DAB1: variants seen among roughly 807,000 people sequenced by gnomAD.
The protein encoded by DAB1 is disabled homolog 1.
DAB1 carries 15 observed loss-of-function variants against 64.6 expected under a neutral mutation model. The observed-to-expected ratio is 0.23, with a 90% CI of 0.16 to 0.36. The LOEUF (loss-of-function observed/expected upper bound fraction) is 0.36. Ranked by LOEUF, DAB1 falls within the 10% of genes least tolerant of loss-of-function variation. The pLI is 1.00. For synonymous variants in DAB1, 235 were observed against 251.9 expected, an observed-to-expected ratio of 0.93 and a Z score of 0.64; for missense variants, 596 against 706.7, an observed-to-expected ratio of 0.84 and a Z score of 1.78.
chr1:57,948,322 G>C (rs1180423823), intron 5 of DAB1, among the ~76,000 whole-genome samples: 1 of 152,194 alleles, frequency 6.6e-6, no homozygotes, highest in Non-Finnish European at 1.5e-5. Flanking sequence ...TCTCAGCTTA[G>C]CAAGGTTGCT....
intron 7 of DAB1, among the ~76,000 whole-genome samples, chr1:57,620,807 A>AG (rs1400951172): frequency 2.0e-5 from 3 of 152,274 alleles, no homozygotes; most frequent in African/African-American, 7.2e-5. Context: ...GTCTGGAAGC[A>AG]GGGGGGCAGC....
chr1:57,462,213 T>A (rs895405954), intron 7 of DAB1, among the ~76,000 whole-genome samples: 1 of 152,056 alleles, frequency 6.6e-6, no homozygotes, highest in Non-Finnish European at 1.5e-5. Context: ...CCTCCCAAAG[T>A]GCTGGGATTA....
chr1:57,405,590 G>A (rs899891451), intron 1 of DAB1, among the ~76,000 whole-genome samples: 3 of 152,134 alleles, frequency 2.0e-5, no homozygotes, highest in African/African-American at 7.2e-5. Context: ...GATTTCACAC[G>A]AAAACAAGAT....
At chr1:57,047,681 G>T (rs753740912) in intron 9 of DAB1, among the ~76,000 whole-genome samples, 2 of 152,150 alleles carry the variant, frequency 1.3e-5, no homozygotes, top group African/African-American at 4.8e-5. Context: ...AAACCACCTC[G>T]TCTGTGGTAT....
chr1:57,140,298 A>C (rs1463439084), intron 3 of DAB1, among the ~76,000 whole-genome samples: 1 of 152,128 alleles, frequency 6.6e-6, no homozygotes, highest in East Asian at 1.9e-4. Context: ...TAATTTAGTC[A>C]ATATCACAAT....
rs561866301 is a variant in DAB1 at position 58,210,405 on chromosome 1, T to C, written n.310-59817A>G. ...AATTGGAGGAAGGTGATCCTAAAGA[T>C]CATGGAGCTCTCAGTATGTCATGAG... On this transcript the variant is annotated intron_variant and non_coding_transcript_variant, in intron 4 of 20. Coordinates refer to the DAB1 transcript ENST00000485760. Among the ~76,000 whole-genome samples, 38 of 152,314 alleles carry C rather than the reference T, an allele frequency of 2.5e-4. No individual in the cohort carries two copies. In the South Asian group the frequency reaches 7.2e-3, roughly 29 times the overall value.
At chr1:58,174,692 G>C (rs188928721) in intron 4 of DAB1, among the ~76,000 whole-genome samples, 1 of 152,004 alleles carries the variant, frequency 6.6e-6, no homozygotes, top group South Asian at 2.1e-4. Context: ...ACCAATCAGC[G>C]CTCTGTGTCT....
chr1:57,062,013 T>G (rs957464366), intron 9 of DAB1, among the ~76,000 whole-genome samples: 7 of 152,216 alleles, frequency 4.6e-5, no homozygotes, highest in African/African-American at 1.7e-4. Flanking sequence ...ATGTGCCCCC[T>G]GCTCAAGAGC....
intron 5 of DAB1, among the ~76,000 whole-genome samples, chr1:57,921,278 T>C (rs1472507669): frequency 3.9e-5 from 6 of 152,154 alleles, no homozygotes; most frequent in Non-Finnish European, 5.9e-5. Flanking sequence ...TCTCAGACTG[T>C]GGCTGGAAAA....
chr1:57,107,394 AAAAT>A (rs1351906969), intron 4 of DAB1, among the ~76,000 whole-genome samples: 2 of 150,714 alleles, frequency 1.3e-5, no homozygotes, highest in Admixed American at 1.3e-4. Context: ...AAAAAAAAAA[AAAAT>A]CAACCCATCA....
intron 7 of DAB1, among the ~76,000 whole-genome samples, chr1:57,590,783 C>CACACAT (rs1645437643): frequency 7.0e-6 from 1 of 143,826 alleles, no homozygotes; most frequent in Non-Finnish European, 1.5e-5. Context: ...CACACACACA[C>CACACAT]CCCACTCACA....
chr1:57,408,104 C>G (rs1339949543), intron 1 of DAB1, among the ~76,000 whole-genome samples: 2 of 152,124 alleles, frequency 1.3e-5, no homozygotes, highest in Non-Finnish European at 2.9e-5. Context: ...TGTCAGGCTA[C>G]AGGGACTGAG....
chr1:57,137,130 T>A (rs1350935234), intron 3 of DAB1, among the ~76,000 whole-genome samples: 3 of 152,128 alleles, frequency 2.0e-5, no homozygotes, highest in Non-Finnish European at 4.4e-5. Flanking sequence ...AGACTGTCCA[T>A]TTTGCTGGAA....
chr1:57,188,009 G>A (rs1557897285), intron 2 of DAB1, among the ~76,000 whole-genome samples: 1 of 152,144 alleles, frequency 6.6e-6, no homozygotes, highest in African/African-American at 2.4e-5. Flanking sequence ...CATGCAGGCA[G>A]GCACTAGTAA....
At chr1:57,250,027 A>G (rs1669204127) in intron 2 of DAB1, among the ~76,000 whole-genome samples, 1 of 152,194 alleles carries the variant, frequency 6.6e-6, no homozygotes. Context: ...TTTAAATCCC[A>G]AAGTCTGAAT....
intron 3 of DAB1, among the ~76,000 whole-genome samples, chr1:58,464,315 G>A (rs1167435027): frequency 6.6e-6 from 1 of 152,076 alleles, no homozygotes; most frequent in East Asian, 1.9e-4. Context: ...ATATGCCCAG[G>A]GCATGTCAAG....
At chr1:58,380,163 A>G (rs1490232995) in intron 3 of DAB1, among the ~76,000 whole-genome samples, 1 of 152,124 alleles carries the variant, frequency 6.6e-6, no homozygotes, top group Admixed American at 6.5e-5. Flanking sequence ...CCTCACCCAA[A>G]CCTCATCTGG....
chr1:57,886,023 T>A (rs1010036816), upstream of DAB1, among the ~76,000 whole-genome samples: 4 of 152,328 alleles, frequency 2.6e-5, no homozygotes, highest in South Asian at 2.1e-4. Flanking sequence ...TTTACTTTTT[T>A]AAAAAACATA....
In DAB1 at chr1:58,254,867, G is replaced by A. The variant is rs1170268171; in HGVS notation, n.309+88485C>T. Among the ~76,000 whole-genome samples, 13 of 82,320 alleles carry A rather than the reference G, an allele frequency of 1.6e-4. 4 individuals are homozygous for A. The highest frequency in any genetic ancestry group is 6.6e-4 in the African/African-American group (10 of 15,218). The allele number at this position is 82,320 out of a possible 152,430, so 54.0% of individuals were successfully genotyped here. A position where few individuals can be genotyped will look rare whatever the true frequency, so the allele number is the denominator to read the frequency against. On this transcript the variant is annotated intron_variant and non_coding_transcript_variant, in intron 4 of 20. Transcript: ENST00000485760. Reference sequence around the variant, plus strand: ...GCAATAAACATACGTCTTTATAGCCGCATGTGTCTTTATAGCAGCATGATT... The same window carrying A: ...GCAATAAACATACGTCTTTATAGCCACATGTGTCTTTATAGCAGCATGATT...
Sources: allele counts gnomAD v4.1 joint callset (sites outside exome capture counted in the v4.1 genomes callset), GRCh38; gene constraint gnomAD v4.1.1; transcripts MANE v1.5; gene names NCBI Gene and HGNC (gene_info 2026-07-23, HGNC 2026-07-21).